Variants in OGA observed in about 807,000 individuals in gnomAD.
OGA encodes the protein O-GlcNAcase, also known as protein O-GlcNAcase.
OGA carries 21 observed loss-of-function variants against 102.0 expected under a neutral mutation model. That is an observed-to-expected ratio of 0.21 (90% CI 0.15 to 0.30). The LOEUF is 0.30. Ranked by LOEUF, OGA falls within the 10% of genes least tolerant of loss-of-function variation. The pLI is 1.00. For synonymous variants in OGA, 408 were observed against 378.2 expected (o/e 1.08, Z -0.91); for missense variants, 765 against 1,107.8 (o/e 0.69, Z 4.39).
In OGA at chr10:101,803,922, A is replaced by G; in HGVS notation, c.849T>C (p.Ala283=). The G allele has an allele frequency of 6.2e-7, 1 of 1,614,190 alleles. No individual in the cohort carries two copies. Among genetic ancestry groups the G allele is most frequent in the Non-Finnish European group, 8.5e-7 (1 of 1,179,986 alleles). ...RAPVIWDNIH[A]NDYDQKRLFL... The stretch of plus-strand genomic sequence containing the variant: ...ACAGTCTCTTCTGATCATAATCATT[A>G]GCATGAATGTTATCCCAGATTACTG... Residue 283 remains alanine, a synonymous_variant, in exon 7 of 16, where the codon GCT becomes GCC. Transcript: ENST00000361464.
chr10:101,797,629 G>A (rs1299935197), intron 10 of OGA: 2 of 429,452 alleles, frequency 4.7e-6, no homozygotes, highest in African/African-American at 4.0e-5. Flanking sequence ...GCAGCAGAAA[G>A]CTTGTGGAGT....
chr10:101,811,832 A>T (rs1163754294), intron 3 of OGA, among the ~76,000 whole-genome samples: 1 of 152,246 alleles, frequency 6.6e-6, no homozygotes. Context: ...AAATCAACTT[A>T]ACTACTACTA....
At chr10:101,801,491 GTC>G (rs2065391850) in intron 7 of OGA, among the ~76,000 whole-genome samples, 1 of 151,746 alleles carries the variant, frequency 6.6e-6, no homozygotes, top group Non-Finnish European at 1.5e-5. Flanking sequence ...AGAAAATTAA[GTC>G]TGAATTTTTT....
chr10:101,794,523 A>C (rs763963686), intron 10 of OGA, among the ~76,000 whole-genome samples: 9 of 152,258 alleles, frequency 5.9e-5, no homozygotes, highest in Admixed American at 1.3e-4. Flanking sequence ...TTAAGTTGAC[A>C]AAATGAAACA....
At chr10:101,792,102 T>C (rs2135034459) in intron 12 of OGA, among the ~76,000 whole-genome samples, 1 of 152,182 alleles carries the variant, frequency 6.6e-6, no homozygotes, top group South Asian at 2.1e-4. Context: ...TACTGCAAGC[T>C]CTGCCTCCCG....
intron 1 of OGA, among the ~76,000 whole-genome samples, chr10:101,817,263 G>A (rs1012070482): frequency 6.6e-6 from 1 of 152,182 alleles, no homozygotes; most frequent in Non-Finnish European, 1.5e-5. Flanking sequence ...TCCCTCGAGA[G>A]CAAAGTACAG....
chr10:101,787,701 G>C lies in OGA; in HGVS notation c.2455-178C>G, dbSNP rs1470984471. 7 of 584,750 alleles carry C rather than the reference G, an allele frequency of 1.2e-5. No individual in the cohort carries two copies. The East Asian group carries it at 2.0e-4, about 17-fold the overall frequency. The allele number at this position is 584,750 out of a possible 1,614,324, so 36.2% of individuals were successfully genotyped here. ...AAGCATTTTCACTTTCTTTGAGACA[G>C]GATCTCCTTCTGTTGGCCAGGCTGG... On this transcript the variant is annotated intron_variant, in intron 14 of 15. Transcript: ENST00000361464.
chr10:101,805,703 C>T (rs1373162038), intron 6 of OGA, among the ~76,000 whole-genome samples: 4 of 150,484 alleles, frequency 2.7e-5, no homozygotes, highest in Admixed American at 2.7e-4. Context: ...CGCCTGTAAT[C>T]CCAGCACTTT....
chr10:101,812,807 T>C, intron 3 of OGA: 1 of 613,120 alleles, frequency 1.6e-6, no homozygotes, highest in Non-Finnish European at 3.0e-6. Flanking sequence ...ACAGAACAGA[T>C]GGAGTCAGCC....
chr10:101,804,026 A>G lies in OGA; in HGVS notation c.752-7T>C. On this transcript the variant is annotated splice_polypyrimidine_tract_variant and splice_region_variant and intron_variant, in intron 6 of 15. Transcript: ENST00000361464. ...TTAGAAACAACTTTGGGACCTAGAA[A>G]TAACGACAACCGTTCGTTAAAAGAA... The G allele has an allele frequency of 6.2e-7, 1 of 1,604,994 alleles. No homozygotes were observed. The highest frequency in any genetic ancestry group is 8.5e-7 in the Non-Finnish European group (1 of 1,174,816).
At chr10:101,803,683 AGTTAAC>A in intron 7 of OGA, 46 bp downstream of exon 7, 1 of 1,507,700 alleles carries the variant, frequency 6.6e-7, no homozygotes, top group Non-Finnish European at 9.1e-7. Context: ...CACTGGCTCT[AGTTAAC>A]CCCAGCTCTC....
At chr10:101,803,369 A>G (rs1222124668) in intron 7 of OGA, among the ~76,000 whole-genome samples, 3 of 151,224 alleles carry the variant, frequency 2.0e-5, no homozygotes, top group African/African-American at 4.9e-5. Flanking sequence ...TTTATTTCAT[A>G]GGATTTTCAT....
chr10:101,803,841 G>A lies in OGA; in HGVS notation c.930C>T (p.Val310=), dbSNP rs140686249. The change falls in exon 7 of 16, where the codon GTC becomes GTT. Residue 310 remains valine, a synonymous_variant. Coordinates refer to ENST00000361464, the MANE Select transcript of OGA (RefSeq NM_012215.5). The part of the protein sequence containing the change: ...STELIPRLKG[V]LTNPNCEFEA... ...CAAATTCACAATTTGGATTAGTGAG[G>A]ACTCCTTTTAACCGTGGGATGAGTT... 19 of 1,614,044 alleles carry A rather than the reference G, an allele frequency of 1.2e-5. No homozygotes were observed. The highest frequency in any genetic ancestry group is 2.7e-5 in the African/African-American group (2 of 74,918).
intron 15 of OGA, 62 bp from the exon 16 acceptor site, chr10:101,786,649 TAAAA>T: frequency 1.5e-6 from 2 of 1,318,850 alleles, no homozygotes; most frequent in Non-Finnish European, 2.0e-6. Context: ...ATTATAGATA[TAAAA>T]CTATAATCTT....
intron 6 of OGA, among the ~76,000 whole-genome samples, 172 bp from the exon 7 acceptor site, chr10:101,804,191 A>T (rs897545907): frequency 1.3e-4 from 19 of 151,898 alleles, no homozygotes; most frequent in East Asian, 1.9e-4. Flanking sequence ...ATTTTAAATT[A>T]AAAAATATAT....
chr10:101,815,963 G>GAAAAAAA lies in OGA; in HGVS notation c.199+1854_199+1860dup, dbSNP rs1364147466. Among the ~76,000 whole-genome samples the GAAAAAAA allele has an allele frequency of 6.5e-4, 29 of 44,958 alleles. 1 individual carries two copies. The highest frequency in any genetic ancestry group is 7.4e-4 in the Non-Finnish European group (16 of 21,628). The allele number at this position is 44,958 out of a possible 152,430, so 29.5% of individuals were successfully genotyped here. A position where few individuals can be genotyped will look rare whatever the true frequency, so the allele number is the denominator to read the frequency against. On this transcript the variant is annotated intron_variant, in intron 1 of 15. Coordinates refer to ENST00000361464, the MANE Select transcript of OGA (RefSeq NM_012215.5). ...CCAACCAAGAGGTATCAAAAAGAGA[G>GAAAAAAA]AAAAAAAAAAAAAAAAAAAAAAAAA...
chr10:101,812,907 G>C, intron 3 of OGA, 123 bp downstream of exon 3: 1 of 806,320 alleles, frequency 1.2e-6, no homozygotes, highest in East Asian at 2.6e-5. Context: ...TTACCAGATA[G>C]AAGAAAAGGA....
intron 7 of OGA, among the ~76,000 whole-genome samples, chr10:101,800,729 G>A (rs963507673): frequency 1.3e-5 from 2 of 150,306 alleles, no homozygotes; most frequent in Non-Finnish European, 3.0e-5. Context: ...CATGCTTTTC[G>A]TATGAAGAAA....
intron 1 of OGA, among the ~76,000 whole-genome samples, chr10:101,814,392 T>C (rs1195828540): frequency 3.3e-5 from 5 of 152,128 alleles, no homozygotes; most frequent in Non-Finnish European, 5.9e-5. Context: ...AAATCAGAGA[T>C]AGGATTAGGA....
Sources: allele counts gnomAD v4.1 joint callset (sites outside exome capture counted in the v4.1 genomes callset), GRCh38; gene constraint gnomAD v4.1.1; transcripts MANE v1.5; gene names NCBI Gene and HGNC (gene_info 2026-07-23, HGNC 2026-07-21).